AS3MT: variants seen among roughly 807,000 people sequenced by gnomAD.
The protein encoded by AS3MT is arsenite methyltransferase, also known as S-adenosyl-L-methionine:arsenic(III) methyltransferase.
AS3MT carries 47 observed loss-of-function variants against 45.3 expected under a neutral mutation model. That is an observed-to-expected ratio of 1.04 (90% CI 0.82 to 1.32). The LOEUF (loss-of-function observed/expected upper bound fraction) is 1.32. AS3MT is among the 40% of genes most tolerant of loss of function. The probability of loss-of-function intolerance (pLI) is 0.00; values close to 1 mark genes in which losing one functional copy is unlikely to be tolerated. For synonymous variants in AS3MT, 141 were observed against 152.8 expected (o/e 0.92, Z 0.57); for missense variants, 396 against 451.1 (o/e 0.88, Z 1.11).
intron 9 of AS3MT, among the ~76,000 whole-genome samples, chr10:102,883,057 T>A (rs1345187891): frequency 6.6e-6 from 1 of 151,712 alleles, no homozygotes; most frequent in Admixed American, 6.6e-5. Context: ...AAACCATTTT[T>A]AATACAATTA....
At chr10:102,880,721 A>C (rs1402940607) in intron 9 of AS3MT, among the ~76,000 whole-genome samples, 1 of 152,184 alleles carries the variant, frequency 6.6e-6, no homozygotes, top group Non-Finnish European at 1.5e-5. Flanking sequence ...AACTTCCTCA[A>C]TGAAATTTTC....
At chr10:102,876,813 C>T in intron 6 of AS3MT, 141 bp from the exon 7 acceptor site, 2 of 778,474 alleles carry the variant, frequency 2.6e-6, no homozygotes, top group South Asian at 3.7e-5. Flanking sequence ...AAAGAGGCAG[C>T]TGCTATTTGT....
At chr10:102,890,521 T>A in intron 9 of AS3MT, 23 bp from the exon 10 acceptor site, 2 of 1,404,374 alleles carry the variant, frequency 1.4e-6, no homozygotes, top group Non-Finnish European at 1.9e-6. Context: ...ACTCTTAGTA[T>A]TTTTTTTTAT....
intron 3 of AS3MT, among the ~76,000 whole-genome samples, chr10:102,870,431 G>C (rs1327194683): frequency 6.6e-6 from 1 of 152,166 alleles, no homozygotes; most frequent in Non-Finnish European, 1.5e-5. Flanking sequence ...TGCTTGGGAG[G>C]CTGAGGCAGA....
At chr10:102,874,758 C>T in intron 6 of AS3MT, 97 bp downstream of exon 6, 1 of 903,988 alleles carries the variant, frequency 1.1e-6, no homozygotes, top group Non-Finnish European at 1.8e-6. Context: ...CTCAAACTCT[C>T]TTAATTTATC....
chr10:102,887,537 T>G lies in AS3MT; in HGVS notation c.886-3007T>G, dbSNP rs2134124026. On this transcript the variant is annotated intron_variant, in intron 9 of 10. Coordinates refer to ENST00000369880, the MANE Select transcript of AS3MT (RefSeq NM_020682.4). Reference sequence around the variant, plus strand: ...TGCAAAGATACTTATATCTTCTTGCTGAATTGACCCCTTTATCATTATATA... The same window carrying G: ...TGCAAAGATACTTATATCTTCTTGCGGAATTGACCCCTTTATCATTATATA... Among the ~76,000 whole-genome samples, 3 of 152,328 alleles carry G rather than the reference T, an allele frequency of 2.0e-5. No individual in the cohort carries two copies. In the East Asian group the frequency reaches 5.8e-4, roughly 29 times the overall value.
intron 9 of AS3MT, among the ~76,000 whole-genome samples, chr10:102,888,877 ATATATT>A (rs1464568597): frequency 0.035 from 1,628 of 46,886 alleles, 9 homozygotes; most frequent in South Asian, 0.083. Context: ...ATATATATAT[ATATATT>A]TTTTTTTTTT....
chr10:102,887,990 GA>G, intron 9 of AS3MT: 5 of 155,760 alleles, frequency 3.2e-5, no homozygotes, highest in Non-Finnish European at 4.4e-5. Flanking sequence ...ATACCTTTTG[GA>G]AAAAGGTACC....
chr10:102,874,455 T>A (rs1844749392), intron 5 of AS3MT, 137 bp from the exon 6 acceptor site: 1 of 626,930 alleles, frequency 1.6e-6, no homozygotes, highest in Non-Finnish European at 2.9e-6. Context: ...GTTGAAGGCA[T>A]TAGAAAGAGA....
At position 102,869,538 on chromosome 10, in the gene AS3MT, AG is replaced by A. The variant is rs767480037; in HGVS notation, c.-54del. On this transcript the variant is annotated 5_prime_UTR_variant, in exon 1 of 11. Transcript: ENST00000369880. ...GAGGAGACAGTGAGTGCGCGCCCTG[AG>A]TCGCAGGCCGAGGAGACAGTGAGTG... 5.9e-3 allele frequency: 9,092 copies of A among 1,539,808 alleles called. 105 individuals are homozygous for A. The highest frequency in any genetic ancestry group is 0.025 in the Admixed American group (1,257 of 50,418).
At position 102,872,550 on chromosome 10, in the gene AS3MT, G is replaced by A; in HGVS notation, c.273G>A (p.Leu91=). The A allele has an allele frequency of 6.2e-7, 1 of 1,613,868 alleles. No homozygotes were observed. The highest frequency in any genetic ancestry group is 1.7e-4 in the Middle Eastern group (1 of 6,060). ...SGRDCYVLSQ[L]VGEKGHVTGI... is the part of the protein sequence containing the mutation. ...GAGATTGCTATGTACTTAGCCAGCT[G>A]GTTGGTGAAAAAGGACACGTGACTG... The change falls in exon 4 of 11, where the codon CTG becomes CTA. Residue 91 remains leucine (L), a synonymous_variant. Transcript: ENST00000369880.
intron 9 of AS3MT, among the ~76,000 whole-genome samples, chr10:102,888,881 A>ATATTTT (rs1491503446): frequency 7.6e-5 from 4 of 52,518 alleles, no homozygotes; most frequent in Non-Finnish European, 1.1e-4. Flanking sequence ...ATATATATAT[A>ATATTTT]TTTTTTTTTT....
At chr10:102,873,265 G>A in intron 5 of AS3MT, 32 bp downstream of exon 5, 1 of 1,450,022 alleles carries the variant, frequency 6.9e-7, no homozygotes, top group Non-Finnish European at 9.1e-7. Flanking sequence ...TATGACTATA[G>A]CCCATTTTCT....
chr10:102,898,168 C>T lies in AS3MT; in HGVS notation c.1021-2425C>T, dbSNP rs141919425. Among the ~76,000 whole-genome samples the T allele has an allele frequency of 9.2e-4, 139 of 151,454 alleles. 1 individual carries two copies. Among genetic ancestry groups the T allele is most frequent in the Non-Finnish European group, 1.2e-3 (82 of 67,924 alleles). On this transcript the variant is annotated intron_variant, in intron 10 of 10. Transcript: ENST00000369880. ...TTTATGATAAACGCTGGAGTACAGA[C>T]AGTACACGCAGCTGGCATGCAGGGT...
chr10:102,897,902 A>G (rs960468209), intron 10 of AS3MT, among the ~76,000 whole-genome samples: 4 of 152,230 alleles, frequency 2.6e-5, no homozygotes, highest in African/African-American at 9.6e-5. Flanking sequence ...GACCTTAGAT[A>G]TAAATTGTAA....
chr10:102,895,189 A>C (rs1590231075), intron 10 of AS3MT, among the ~76,000 whole-genome samples: 1 of 150,284 alleles, frequency 6.7e-6, no homozygotes, highest in Middle Eastern at 3.5e-3. Flanking sequence ...GTTCTCAACT[A>C]TTTTAGTTCT....
intron 7 of AS3MT, among the ~76,000 whole-genome samples, chr10:102,877,675 A>G (rs1238376831): frequency 1.3e-5 from 2 of 151,308 alleles, no homozygotes; most frequent in African/African-American, 4.8e-5. Context: ...GAGTTCAGGT[A>G]CAGCCTGGGT....
chr10:102,897,422 A>G (rs571420896), intron 10 of AS3MT, among the ~76,000 whole-genome samples: 8 of 151,522 alleles, frequency 5.3e-5, no homozygotes, highest in Admixed American at 2.6e-4. Flanking sequence ...TAATGGTTAC[A>G]AGTAAAGAGG....
intron 10 of AS3MT, among the ~76,000 whole-genome samples, chr10:102,893,260 A>C (rs61870813): frequency 7.2e-4 from 109 of 151,980 alleles, no homozygotes; most frequent in Non-Finnish European, 1.3e-3. Context: ...TATATTAAGA[A>C]ATTTTAAGGG....
Sources: allele counts gnomAD v4.1 joint callset (sites outside exome capture counted in the v4.1 genomes callset), GRCh38; gene constraint gnomAD v4.1.1; transcripts MANE v1.5; gene names NCBI Gene and HGNC (gene_info 2026-07-23, HGNC 2026-07-21).